TMEM245: variants seen among roughly 807,000 people sequenced by gnomAD.
TMEM245 encodes the protein protein CG-2.
In TMEM245, 69 loss-of-function variants were observed where a neutral mutation model predicts 101.2. The ratio of observed to expected loss-of-function variants is 0.68; its 90% CI spans 0.56 to 0.83. TMEM245 has a LOEUF of 0.83. Ranked by LOEUF, TMEM245 falls within the 40% of genes least tolerant of loss-of-function variation. The pLI is 0.00. For synonymous variants in TMEM245, 537 were observed against 449.8 expected (o/e 1.19, Z -2.45); for missense variants, 1,075 against 1,092.8 (o/e 0.98, Z 0.23).
intron 3 of TMEM245, among the ~76,000 whole-genome samples, chr9:109,102,049 G>A (rs1346358404): frequency 6.6e-6 from 1 of 152,212 alleles, no homozygotes; most frequent in Non-Finnish European, 1.5e-5. Flanking sequence ...AGGGTAAGCA[G>A]AACTGTCTGA....
At chr9:109,083,222 A>G (rs1472396017) in intron 7 of TMEM245, among the ~76,000 whole-genome samples, 1 of 152,178 alleles carries the variant, frequency 6.6e-6, no homozygotes, top group Non-Finnish European at 1.5e-5. Context: ...ACCAACTCCC[A>G]CAAAGACTGA....
At chr9:109,114,947 G>A (rs1182824419) in intron 1 of TMEM245, among the ~76,000 whole-genome samples, 1 of 152,158 alleles carries the variant, frequency 6.6e-6, no homozygotes, top group African/African-American at 2.4e-5. Context: ...TCCCATAAAT[G>A]ATTAGTGTTT....
chr9:109,069,865 A>G (rs1419502361), intron 9 of TMEM245, among the ~76,000 whole-genome samples: 1 of 152,166 alleles, frequency 6.6e-6, no homozygotes, highest in African/African-American at 2.4e-5. Context: ...ATAATTTCTC[A>G]TCACACTGCA....
At chr9:109,106,133 G>A (rs1830412594) in intron 3 of TMEM245, among the ~76,000 whole-genome samples, 1 of 149,894 alleles carries the variant, frequency 6.7e-6, no homozygotes, top group African/African-American at 2.5e-5. Context: ...GGATAAGGTT[G>A]GAAAACCCCT....
At chr9:109,027,693 CAG>C (rs1284781890) in intron 17 of TMEM245, among the ~76,000 whole-genome samples, 2 of 151,394 alleles carry the variant, frequency 1.3e-5, no homozygotes, top group Non-Finnish European at 2.9e-5. Context: ...TTTTTTGAGA[CAG>C]AGTCTCGCTC....
chr9:109,104,416 G>T (rs1158935240), intron 3 of TMEM245, among the ~76,000 whole-genome samples: 1 of 152,118 alleles, frequency 6.6e-6, no homozygotes, highest in Admixed American at 6.5e-5. Flanking sequence ...CTCATAAATT[G>T]TAAGGTTTTT....
At chr9:109,110,531 T>G (rs1830541551) in intron 1 of TMEM245, among the ~76,000 whole-genome samples, 1 of 150,286 alleles carries the variant, frequency 6.7e-6, no homozygotes, top group Non-Finnish European at 1.5e-5. Context: ...CAAGGGAAAA[T>G]AAAAACAGTC....
chr9:109,057,481 G>A (rs531705114), intron 11 of TMEM245, among the ~76,000 whole-genome samples, 159 bp from the exon 12 acceptor site: 4 of 152,264 alleles, frequency 2.6e-5, no homozygotes, highest in East Asian at 1.9e-4. Context: ...GGCCGGGTGC[G>A]GTGGCTCATG....
chr9:109,078,810 G>A (rs1334382914), intron 8 of TMEM245, among the ~76,000 whole-genome samples: 1 of 152,154 alleles, frequency 6.6e-6, no homozygotes, highest in Non-Finnish European at 1.5e-5. Context: ...AAAGTTTTTA[G>A]CAGTTATTTC....
chr9:109,047,358 C>T (rs571446873), intron 14 of TMEM245, among the ~76,000 whole-genome samples: 1 of 152,310 alleles, frequency 6.6e-6, no homozygotes, highest in Admixed American at 6.5e-5. Context: ...CTGTAGATGA[C>T]AGCACTCTTT....
In TMEM245 at chr9:109,101,282, C is replaced by A. The variant is rs1016989642; in HGVS notation, c.799+5226G>T. The stretch of plus-strand genomic sequence containing the variant: ...GAAGACATAGAGAAAGATACCCACA[C>A]AAGTGACTGGAAAACAAGAGCAAGT... On this transcript the variant is annotated intron_variant, in intron 3 of 17. Transcript: ENST00000374586. Among the ~76,000 whole-genome samples, 3 of 152,100 alleles carry A rather than the reference C, an allele frequency of 2.0e-5. No homozygotes were observed. The South Asian group carries it at 6.2e-4, about 31-fold the overall frequency.
intron 1 of TMEM245, among the ~76,000 whole-genome samples, chr9:109,109,373 G>A (rs2132652118): frequency 6.6e-6 from 1 of 151,170 alleles, no homozygotes; most frequent in East Asian, 1.9e-4. Context: ...ACACATCTGA[G>A]CACAAAGACC....
chr9:109,039,223 C>A (rs1220584068), intron 14 of TMEM245: 1 of 152,090 alleles, frequency 6.6e-6, no homozygotes, highest in Non-Finnish European at 1.5e-5. Flanking sequence ...AATTGTAAAA[C>A]CTGCTTTGTC....
intron 14 of TMEM245, among the ~76,000 whole-genome samples, chr9:109,040,943 T>C (rs1828283045): frequency 6.6e-6 from 1 of 152,200 alleles, no homozygotes; most frequent in Admixed American, 6.5e-5. Flanking sequence ...TCATTTCTCG[T>C]CTGTAAATAC....
At chr9:109,041,998 C>G (rs534006420) in intron 14 of TMEM245, among the ~76,000 whole-genome samples, 2 of 151,934 alleles carry the variant, frequency 1.3e-5, no homozygotes, top group Middle Eastern at 3.2e-3. Context: ...AGGCATAGTG[C>G]GTGCCATTAG....
At chr9:109,073,867 T>TTTC (rs1554723992) in intron 8 of TMEM245, among the ~76,000 whole-genome samples, 3 of 149,338 alleles carry the variant, frequency 2.0e-5, no homozygotes, top group African/African-American at 7.4e-5. Flanking sequence ...TTTTTTTTTT[T>TTTC]TTTTTTTTAG....
rs1341785000 is a variant in TMEM245, at chr9:109,017,429, G to C, written c.*3031C>G. On this transcript the variant is annotated 3_prime_UTR_variant, in exon 18 of 18. Transcript: ENST00000374586. ...CTTACAGAGATCACTTGCAGGAACA[G>C]ATATTGATAGGAACTTCAGAACTCA... 1 of 152,196 alleles carries C rather than the reference G, an allele frequency of 6.6e-6. No individual in the cohort carries two copies. Among genetic ancestry groups the C allele is most frequent in the East Asian group, 1.9e-4 (1 of 5,188 alleles). The allele number at this position is 152,196 out of a possible 1,614,324, so 9.4% of individuals were successfully genotyped here.
intron 3 of TMEM245, among the ~76,000 whole-genome samples, chr9:109,101,300 G>A (rs1564207157): frequency 6.6e-6 from 1 of 152,218 alleles, no homozygotes; most frequent in Admixed American, 6.5e-5. Context: ...TGGAAAACAA[G>A]AGCAAGTGAT....
At chr9:109,026,457 G>A (rs962104154) in intron 17 of TMEM245, among the ~76,000 whole-genome samples, 1 of 151,970 alleles carries the variant, frequency 6.6e-6, no homozygotes, top group African/African-American at 2.4e-5. Flanking sequence ...TATCCAGATG[G>A]AGGATTATCC....
Sources: allele counts gnomAD v4.1 joint callset (sites outside exome capture counted in the v4.1 genomes callset), GRCh38; gene constraint gnomAD v4.1.1; transcripts MANE v1.5; gene names NCBI Gene and HGNC (gene_info 2026-07-23, HGNC 2026-07-21).